HDAC4: variants seen among roughly 807,000 people sequenced by gnomAD.
The protein encoded by HDAC4 is histone deacetylase A.
In HDAC4, 16 loss-of-function variants were observed where a neutral mutation model predicts 135.1. That is an observed-to-expected ratio of 0.12 (90% CI 0.08 to 0.18). The LOEUF (loss-of-function observed/expected upper bound fraction) is 0.18, where lower values mean the gene tolerates loss of function less well. Among genes scored for constraint, HDAC4 ranks in the 10% least tolerant of loss-of-function variants. The probability of loss-of-function intolerance (pLI) is 1.00; values close to 1 mark genes in which losing one functional copy is unlikely to be tolerated. For missense variants in HDAC4, 1,143 were observed against 1,511.8 expected (o/e 0.76, Z 4.05); for synonymous variants, 685 against 653.4 (o/e 1.05, Z -0.74).
intron 24 of HDAC4, among the ~76,000 whole-genome samples, chr2:239,057,103 T>C (rs2031971501): frequency 6.6e-6 from 1 of 152,220 alleles, no homozygotes; most frequent in African/African-American, 2.4e-5. Flanking sequence ...GGACCAGCAT[T>C]GGTTTCTAAG....
chr2:239,145,563 C>T (rs773817373), intron 7 of HDAC4, among the ~76,000 whole-genome samples: 2 of 152,212 alleles, frequency 1.3e-5, no homozygotes, highest in Non-Finnish European at 2.9e-5. Flanking sequence ...CCAAACCCAC[C>T]CGGGAGAGGT....
chr2:239,259,274 C>A (rs2049214736), intron 2 of HDAC4, among the ~76,000 whole-genome samples: 1 of 152,112 alleles, frequency 6.6e-6, no homozygotes, highest in African/African-American at 2.4e-5. Context: ...CAAGGTGAAA[C>A]CCTGTCTCTA....
intron 3 of HDAC4, among the ~76,000 whole-genome samples, chr2:239,196,459 C>G (rs926951399): frequency 6.6e-6 from 1 of 152,174 alleles, no homozygotes; most frequent in East Asian, 1.9e-4. Flanking sequence ...ATATATGTGG[C>G]CCTGAAAACA....
chr2:239,077,453 C>T (rs2034878594), intron 22 of HDAC4, among the ~76,000 whole-genome samples: 1 of 152,260 alleles, frequency 6.6e-6, no homozygotes, highest in South Asian at 2.1e-4. Flanking sequence ...CCAGGGCAGG[C>T]ACTGTGCCGG....
At chr2:239,364,200 C>T (rs922215024) in intron 1 of HDAC4, among the ~76,000 whole-genome samples, 11 of 152,104 alleles carry the variant, frequency 7.2e-5, no homozygotes, top group African/African-American at 2.4e-4. Flanking sequence ...AATGCCAGCC[C>T]GAGGCATCTA....
chr2:239,344,284 C>T (rs115512126), intron 2 of HDAC4, among the ~76,000 whole-genome samples: 186 of 152,254 alleles, frequency 1.2e-3, no homozygotes, highest in Non-Finnish European at 2.1e-3. Context: ...AAATACATAC[C>T]GGGAGTTCAT....
intron 2 of HDAC4, among the ~76,000 whole-genome samples, chr2:239,260,197 G>A (rs998879261): frequency 7.9e-5 from 12 of 152,212 alleles, no homozygotes; most frequent in East Asian, 1.9e-4. Context: ...CTCTGCAGGC[G>A]CCCTGTGACG....
chr2:239,164,531 C>A (rs961810177), intron 5 of HDAC4, among the ~76,000 whole-genome samples: 2 of 152,194 alleles, frequency 1.3e-5, no homozygotes, highest in East Asian at 1.9e-4. Flanking sequence ...TTTTTCAAAG[C>A]CTCATTAAAG....
intron 3 of HDAC4, among the ~76,000 whole-genome samples, chr2:239,223,858 A>G (rs1160424286): frequency 2.0e-5 from 3 of 151,448 alleles, no homozygotes; most frequent in African/African-American, 4.8e-5. Context: ...CATTGTTTAA[A>G]AAAAAAAAAA....
At chr2:239,393,229 G>C (rs968709345) in intron 1 of HDAC4, among the ~76,000 whole-genome samples, 5 of 152,222 alleles carry the variant, frequency 3.3e-5, no homozygotes, top group Non-Finnish European at 7.3e-5. Context: ...GGAGGGCCTA[G>C]CCGCGCCATG....
intron 24 of HDAC4, among the ~76,000 whole-genome samples, chr2:239,064,462 G>A (rs530738983): frequency 1.3e-3 from 203 of 152,074 alleles, no homozygotes; most frequent in Non-Finnish European, 2.3e-3. Context: ...CACCTCCGCC[G>A]TCTCTGATGC....
intron 2 of HDAC4, among the ~76,000 whole-genome samples, chr2:239,347,732 C>T (rs749674055): frequency 3.3e-5 from 5 of 152,246 alleles, no homozygotes; most frequent in Middle Eastern, 3.4e-3. Flanking sequence ...CCAGGCTGAT[C>T]GCGAACTCCT....
At chr2:239,081,389 A>C (rs1397197548) in intron 21 of HDAC4, among the ~76,000 whole-genome samples, 197 bp from the exon 22 acceptor site, 3 of 152,216 alleles carry the variant, frequency 2.0e-5, no homozygotes, top group African/African-American at 7.2e-5. Context: ...CACTGACATC[A>C]GCAAGGGGGC....
rs578019109 is a variant in HDAC4, at chr2:239,098,812, G to T, written c.2234-3756C>A. Reference sequence around the variant, plus strand: ...CCATGTCTGAAATACTTAGACTGATGATAATGAAGTTTCTGGGTTAGGACA... The same window carrying T: ...CCATGTCTGAAATACTTAGACTGATTATAATGAAGTTTCTGGGTTAGGACA... On this transcript the variant is annotated intron_variant, in intron 16 of 26. Transcript: ENST00000543185. Among the ~76,000 whole-genome samples, 10 of 152,360 alleles carry T rather than the reference G, an allele frequency of 6.6e-5. No homozygotes were observed. The South Asian group carries it at 1.9e-3, about 28-fold the overall frequency.
chr2:239,294,924 A>G (rs1007883367), intron 2 of HDAC4, among the ~76,000 whole-genome samples: 1 of 152,194 alleles, frequency 6.6e-6, no homozygotes, highest in African/African-American at 2.4e-5. Flanking sequence ...GAGGCCCGGG[A>G]GAGACTGTCC....
chr2:239,058,646 A>G (rs532166729), intron 24 of HDAC4, among the ~76,000 whole-genome samples: 4 of 152,262 alleles, frequency 2.6e-5, no homozygotes, highest in African/African-American at 9.6e-5. Flanking sequence ...GGTTATTGTG[A>G]TAAGACTTCA....
chr2:239,397,587 G>A (rs894140808), intron 1 of HDAC4, among the ~76,000 whole-genome samples: 3 of 152,194 alleles, frequency 2.0e-5, no homozygotes, highest in East Asian at 1.9e-4. Context: ...TAGGAAGTGA[G>A]TAGGAGGTTT....
chr2:239,401,244 C>T (rs1328770995), upstream of HDAC4, among the ~76,000 whole-genome samples: 1 of 152,058 alleles, frequency 6.6e-6, no homozygotes, highest in Admixed American at 6.5e-5. Flanking sequence ...GAAACCTGCG[C>T]ACAGCCCGTC....
At chr2:239,386,081 G>A (rs924144550) in intron 1 of HDAC4, among the ~76,000 whole-genome samples, 7 of 152,088 alleles carry the variant, frequency 4.6e-5, no homozygotes, top group African/African-American at 1.2e-4. Context: ...AGGGGCCTGC[G>A]TTTTACTCTA....
Sources: allele counts gnomAD v4.1 joint callset (sites outside exome capture counted in the v4.1 genomes callset), GRCh38; gene constraint gnomAD v4.1.1; transcripts MANE v1.5; gene names NCBI Gene and HGNC (gene_info 2026-07-23, HGNC 2026-07-21).